The following WDHD1 variants were observed in gnomAD, a reference collection of about 807,000 sequenced individuals.
WDHD1 encodes WD repeat and HMG-box DNA binding protein 1.
A neutral mutation model predicts 135.4 loss-of-function variants in WDHD1; 111 were observed. That is an observed-to-expected ratio of 0.82 (90% CI 0.70 to 0.96). The LOEUF is 0.96. WDHD1 is among the 40% of genes least tolerant of loss of function. WDHD1 has a pLI of 0.00. For synonymous variants in WDHD1, 434 were observed against 439.0 expected (o/e 0.99, Z 0.14); for missense variants, 1,351 against 1,336.3 (o/e 1.01, Z -0.17).
intron 24 of WDHD1, among the ~76,000 whole-genome samples, chr14:54,954,194 G>A (rs904917107): frequency 4.6e-5 from 7 of 152,120 alleles, no homozygotes; most frequent in Non-Finnish European, 8.8e-5. Flanking sequence ...GCTGAGGCAG[G>A]AGAATCGCTT....
rs1207130160 is a variant in WDHD1 at position 54,993,783 on chromosome 14, GT to G, written c.1153+1819del. On this transcript the variant is annotated intron_variant, in intron 11 of 25. Coordinates refer to ENST00000360586, the MANE Select transcript of WDHD1 (RefSeq NM_007086.4). ...TTTTTCATAAAAAAGTACTATTCAT[GT>G]TTACATGAGTTTATTAATGTTATTT... is the stretch of plus-strand genomic sequence containing the variant. Among the ~76,000 whole-genome samples the G allele has an allele frequency of 2.0e-5, 3 of 152,042 alleles. No homozygotes were observed. The East Asian group carries it at 5.8e-4, about 29-fold the overall frequency.
intron 10 of WDHD1, 73 bp from the exon 11 acceptor site, chr14:54,995,886 CTT>C (rs2041870973): frequency 1.7e-6 from 2 of 1,190,942 alleles, no homozygotes. Context: ...AAAAGGTAAA[CTT>C]TTAATATGCA....
Position 55,000,535 on chromosome 14 carries a change from A to G in WDHD1, c.910T>C (p.Cys304Arg). ...EGNLGLLENV[C>R]DPSGKTSSSK... ...CTTGATGTCTTTCCACTGGGGTCAC[A>G]AACATTCTCTAGAAGCCCTAGATTT... Residue 304 changes from cysteine to arginine, a missense_variant, in exon 10 of 26, where the codon TGT becomes CGT. Physicochemically the swap from Cys to Arg is radical, Grantham distance 180. This residue lies in a region of WDHD1 where 1,330 missense variants were observed against 1,296.1 expected (regional missense o/e 1.03). Coordinates refer to ENST00000360586, the MANE Select transcript of WDHD1 (RefSeq NM_007086.4). 1 of 1,606,686 alleles carries G rather than the reference A, an allele frequency of 6.2e-7. No individual in the cohort carries two copies. Among genetic ancestry groups the G allele is most frequent in the Non-Finnish European group, 8.5e-7 (1 of 1,176,160 alleles).
At chr14:54,961,826 A>G (rs1595069841) in intron 21 of WDHD1, among the ~76,000 whole-genome samples, 1 of 149,156 alleles carries the variant, frequency 6.7e-6, no homozygotes, top group African/African-American at 2.5e-5. Context: ...CCTGTACGCA[A>G]CCATTTTCAA....
At chr14:54,971,737 G>C (rs913600519) in intron 16 of WDHD1, among the ~76,000 whole-genome samples, 16 of 75,342 alleles carry the variant, frequency 2.1e-4, no homozygotes, top group Admixed American at 2.0e-3. Context: ...AAAAAAAAAA[G>C]ACATCCCACA....
intron 24 of WDHD1, among the ~76,000 whole-genome samples, chr14:54,945,674 G>A (rs1162404071): frequency 2.6e-5 from 4 of 152,110 alleles, no homozygotes; most frequent in Admixed American, 6.5e-5. Context: ...CCAAACAGCT[G>A]GGACTACAGG....
chr14:55,019,557 T>G (rs1159893793), intron 2 of WDHD1, among the ~76,000 whole-genome samples: 1 of 152,132 alleles, frequency 6.6e-6, no homozygotes, highest in Non-Finnish European at 1.5e-5. Context: ...ATAAGATGTA[T>G]GGGATTTACT....
intron 2 of WDHD1, among the ~76,000 whole-genome samples, chr14:55,019,363 C>A (rs1050225042): frequency 2.6e-5 from 4 of 152,118 alleles, no homozygotes; most frequent in Admixed American, 1.3e-4. Context: ...GAAAATTATA[C>A]CTTTGTTTCA....
At chr14:54,955,454 C>G (rs2041136814) in intron 24 of WDHD1, 107 bp downstream of exon 24, 2 of 1,174,508 alleles carry the variant, frequency 1.7e-6, no homozygotes, top group Non-Finnish European at 2.2e-6. Context: ...CTACCAATGC[C>G]AATGTATTAT....
Position 55,017,986 on chromosome 14 carries a change from A to C in WDHD1, c.78-4390T>G, listed in dbSNP as rs538503295. Among the ~76,000 whole-genome samples, 18 of 152,272 alleles carry C rather than the reference A, an allele frequency of 1.2e-4. 1 individual carries two copies. The South Asian group carries it at 2.1e-3, about 18-fold the overall frequency. ...AAAAACTACTAGACCTCCTGGCCTC[A>C]AGCAATCCTCCCACCTCAGCAGCGC... On this transcript the variant is annotated intron_variant, in intron 2 of 25. Coordinates refer to ENST00000360586, the MANE Select transcript of WDHD1 (RefSeq NM_007086.4).
At chr14:54,999,950 T>C (rs1041054547) in intron 10 of WDHD1, among the ~76,000 whole-genome samples, 1 of 152,194 alleles carries the variant, frequency 6.6e-6, no homozygotes, top group African/African-American at 2.4e-5. Context: ...TATGGGATTA[T>C]GCATTTAAGA....
At chr14:54,978,775 C>G (rs998762750) in intron 16 of WDHD1, among the ~76,000 whole-genome samples, 1 of 152,202 alleles carries the variant, frequency 6.6e-6, no homozygotes, top group African/African-American at 2.4e-5. Flanking sequence ...AAACATCCCA[C>G]AATGCCAACC....
chr14:54,977,852 A>C lies in WDHD1; in HGVS notation c.2063+3688T>G, dbSNP rs1018485387. On this transcript the variant is annotated intron_variant, in intron 16 of 25. Transcript: ENST00000360586. The stretch of plus-strand genomic sequence containing the variant: ...AATTATCGTAGTTTTTAACAAGTTA[A>C]AATTCTTTACAAATCTTAAATAAAA... 5.3e-5 allele frequency among the ~76,000 whole-genome samples: 8 copies of C among 152,214 alleles called. No individual in the cohort carries two copies. In the East Asian group the frequency reaches 5.8e-4, roughly 11 times the overall value.
chr14:54,943,292 AGT>A, intron 25 of WDHD1, among the ~76,000 whole-genome samples: 1 of 152,236 alleles, frequency 6.6e-6, no homozygotes, highest in Non-Finnish European at 1.5e-5. Context: ...CAAAAGGAAT[AGT>A]CTCATGTAGT....
rs71448422 is a variant in WDHD1 at position 55,013,194 on chromosome 14, C to CAAAAAA, written c.189+285_189+290dup. Reference sequence around the variant, plus strand: ...TGAGCAACATGGCAAGATCCCGTTTCAAAAAAAAAAAAAAAAAAAAAAAAT... The same window carrying CAAAAAA: ...TGAGCAACATGGCAAGATCCCGTTTCAAAAAAAAAAAAAAAAAAAAAAAAAAAAAAT... On this transcript the variant is annotated intron_variant, in intron 3 of 25. Coordinates refer to ENST00000360586, the MANE Select transcript of WDHD1 (RefSeq NM_007086.4). Among the ~76,000 whole-genome samples the CAAAAAA allele has an allele frequency of 1.3e-3, 105 of 82,314 alleles. 2 individuals carry two copies. The highest frequency in any genetic ancestry group is 2.0e-3 in the African/African-American group (39 of 19,322). The allele number at this position is 82,314 out of a possible 152,430, so 54.0% of individuals were successfully genotyped here.
At chr14:54,944,227 G>A (rs2040882873) in intron 25 of WDHD1, 105 bp downstream of exon 25, 7 of 1,455,008 alleles carry the variant, frequency 4.8e-6, no homozygotes, top group Middle Eastern at 1.8e-4. Context: ...CAATGTGCTA[G>A]GATTACAGGC....
chr14:55,016,504 G>A (rs2042264257), intron 2 of WDHD1, among the ~76,000 whole-genome samples: 1 of 152,180 alleles, frequency 6.6e-6, no homozygotes, highest in Non-Finnish European at 1.5e-5. Flanking sequence ...ATCTATTCAA[G>A]TTAGTAGTTA....
intron 3 of WDHD1, among the ~76,000 whole-genome samples, chr14:55,012,284 C>T (rs1333263358): frequency 2.0e-5 from 3 of 152,068 alleles, no homozygotes; most frequent in Non-Finnish European, 4.4e-5. Context: ...ACCTTAAATG[C>T]GCCTGGGTTT....
intron 16 of WDHD1, among the ~76,000 whole-genome samples, chr14:54,978,481 A>C (rs1484964255): frequency 6.6e-6 from 1 of 152,034 alleles, no homozygotes; most frequent in East Asian, 1.9e-4. Context: ...CCTACTCAGG[A>C]GACTGAGGTG....
Sources: gnomAD v4.1 joint callset for allele counts (sites outside exome capture counted in the v4.1 genomes callset) on GRCh38, gnomAD v4.1.1 for gene constraint, gnomAD v4.1.1 regional missense constraint, MANE v1.5 for transcripts, NCBI Gene and HGNC (gene_info 2026-07-23, HGNC 2026-07-21) for gene names.